The following MYLK variants were observed in gnomAD, a reference collection of about 807,000 sequenced individuals.
MYLK encodes the protein myosin light chain kinase, also known as myosin light chain kinase, smooth muscle.
In MYLK, 106 loss-of-function variants were observed where a neutral mutation model predicts 203.4. The ratio of observed to expected loss-of-function variants is 0.52; its 90% CI spans 0.45 to 0.61. The LOEUF is 0.61. Among genes scored for constraint, MYLK ranks in the 20% least tolerant of loss-of-function variants. The pLI, the probability that MYLK is intolerant of heterozygous loss-of-function variation, is 0.00. For missense variants in MYLK, 2,072 were observed against 2,442.3 expected (o/e 0.85, Z 3.20); for synonymous variants, 867 against 959.5 (o/e 0.90, Z 1.78).
intron 20 of MYLK, among the ~76,000 whole-genome samples, chr3:123,677,674 T>C (rs1190904779): frequency 1.3e-5 from 2 of 151,764 alleles, no homozygotes; most frequent in Non-Finnish European, 2.9e-5. Flanking sequence ...CAAAGAACAT[T>C]ATTAGAACAA....
At chr3:123,646,902 A>C in intron 27 of MYLK, 1 of 360,278 alleles carries the variant, frequency 2.8e-6, no homozygotes, top group Non-Finnish European at 5.1e-6. Flanking sequence ...GAAACCAAGG[A>C]GCCTAGGGAT....
intron 4 of MYLK, among the ~76,000 whole-genome samples, chr3:123,791,433 A>T (rs1322567916): frequency 6.6e-6 from 1 of 152,204 alleles, no homozygotes; most frequent in African/African-American, 2.4e-5. Context: ...CCCTGATGCA[A>T]AAGTCTCTGT....
At chr3:123,840,370 T>TTATATA (rs56361020) in intron 2 of MYLK, among the ~76,000 whole-genome samples, 1 of 148,628 alleles carries the variant, frequency 6.7e-6, no homozygotes, top group African/African-American at 2.5e-5. Context: ...CCTACAGACA[T>TTATATA]TATATATATA....
intron 4 of MYLK, among the ~76,000 whole-genome samples, chr3:123,766,462 G>C (rs1266024769): frequency 1.3e-5 from 2 of 152,276 alleles, no homozygotes; most frequent in Admixed American, 6.5e-5. Flanking sequence ...AGGTGTTGCT[G>C]TGAGTTGAGC....
At chr3:123,836,085 T>A (rs552698369) in intron 2 of MYLK, 32 of 152,374 alleles carry the variant, frequency 2.1e-4, no homozygotes, top group Admixed American at 2.0e-3. Flanking sequence ...GAACGTTTCC[T>A]TTGTATCTTT....
intron 11 of MYLK, among the ~76,000 whole-genome samples, chr3:123,730,930 G>A (rs1186704339): frequency 6.6e-6 from 1 of 152,158 alleles, no homozygotes; most frequent in East Asian, 1.9e-4. Flanking sequence ...TCTCAATAAA[G>A]CTGTCACACA....
intron 4 of MYLK, among the ~76,000 whole-genome samples, chr3:123,781,263 G>A (rs2064287364): frequency 6.6e-6 from 1 of 152,230 alleles, no homozygotes; most frequent in South Asian, 2.1e-4. Context: ...CCTCACAGTA[G>A]ATGAAGCCTG....
At chr3:123,702,546 G>A (rs1367277401) in intron 16 of MYLK, among the ~76,000 whole-genome samples, 2 of 152,226 alleles carry the variant, frequency 1.3e-5, no homozygotes, top group African/African-American at 2.4e-5. Context: ...GCCCCTGGAT[G>A]TGGCCGTCTC....
At chr3:123,809,538 C>A (rs1456951673) in intron 3 of MYLK, among the ~76,000 whole-genome samples, 10 of 151,992 alleles carry the variant, frequency 6.6e-5, no homozygotes, top group African/African-American at 2.4e-4. Context: ...AAAACAAAAA[C>A]AAACAAACAA....
At chr3:123,772,317 C>A (rs1446067609) in intron 4 of MYLK, among the ~76,000 whole-genome samples, 2 of 152,010 alleles carry the variant, frequency 1.3e-5, no homozygotes, top group African/African-American at 4.8e-5. Flanking sequence ...AAAACAAACT[C>A]TATACATAAG....
intron 3 of MYLK, among the ~76,000 whole-genome samples, chr3:123,826,372 A>G (rs1038261592): frequency 6.6e-6 from 1 of 152,240 alleles, no homozygotes. Flanking sequence ...CTGAGCAGCT[A>G]TAAGCCCATG....
At chr3:123,818,128 G>T (rs2065807965) in intron 3 of MYLK, among the ~76,000 whole-genome samples, 1 of 152,124 alleles carries the variant, frequency 6.6e-6, no homozygotes, top group Non-Finnish European at 1.5e-5. Context: ...AGGGGGCACT[G>T]TATTATTCAA....
intron 3 of MYLK, among the ~76,000 whole-genome samples, chr3:123,807,353 C>T (rs571560023): frequency 1.5e-4 from 23 of 151,788 alleles, no homozygotes; most frequent in African/African-American, 5.1e-4. Context: ...CTCTTGAACC[C>T]GGGAGGCAGA....
At chr3:123,813,504 G>GTC (rs376497859) in intron 3 of MYLK, among the ~76,000 whole-genome samples, 3 of 150,362 alleles carry the variant, frequency 2.0e-5, no homozygotes, top group Admixed American at 6.6e-5. Context: ...TTAATTCACT[G>GTC]TCTCTCTCTC....
intron 2 of MYLK, among the ~76,000 whole-genome samples, chr3:123,861,906 T>C (rs2031960198): frequency 6.6e-6 from 1 of 152,238 alleles, no homozygotes; most frequent in Non-Finnish European, 1.5e-5. Flanking sequence ...GTGGGCCATC[T>C]GGGCAACAAT....
rs1201958248 is a variant in MYLK, at chr3:123,700,144, A to T, written c.3324T>A (p.His1108Gln). The T allele has an allele frequency of 6.2e-7, 1 of 1,613,824 alleles. No individual in the cohort carries two copies. The highest frequency in any genetic ancestry group is 8.5e-7 in the Non-Finnish European group (1 of 1,179,964). Residue 1108 changes from histidine (H) to glutamine (Q), a missense_variant, in exon 18 of 34, where the codon CAT becomes CAA. This residue lies in a region of MYLK where 865 missense variants were observed against 1,016.0 expected (regional missense o/e 0.85). Transcript: ENST00000360304. ...PAFKQKLQDVHVAEGKKLLLQ... is the reference protein window; with the variant it reads ...PAFKQKLQDVQVAEGKKLLLQ... ...GCAGCAGCTTCTTGCCCTCTGCCAC[A>T]TGAACATCTTGCAGCTTCTGCTTGA...
intron 4 of MYLK, among the ~76,000 whole-genome samples, chr3:123,781,189 C>T (rs1576951404): frequency 1.3e-5 from 2 of 152,250 alleles, no homozygotes; most frequent in South Asian, 4.1e-4. Flanking sequence ...CAGGAGTCTG[C>T]AGTCAGAACA....
chr3:123,665,151 A>G (rs1056601615), intron 22 of MYLK, among the ~76,000 whole-genome samples: 1 of 152,234 alleles, frequency 6.6e-6, no homozygotes, highest in Admixed American at 6.5e-5. Context: ...CTGCTATAAC[A>G]ATTTTTAATT....
chr3:123,668,899 T>C (rs1181943757), intron 20 of MYLK, among the ~76,000 whole-genome samples: 2 of 152,222 alleles, frequency 1.3e-5, no homozygotes, highest in Non-Finnish European at 2.9e-5. Flanking sequence ...CTTTTTTGGT[T>C]CACTGCTGTA....
Sources: gnomAD v4.1 joint callset for allele counts (sites outside exome capture counted in the v4.1 genomes callset) on GRCh38, gnomAD v4.1.1 for gene constraint, gnomAD v4.1.1 regional missense constraint, MANE v1.5 for transcripts, NCBI Gene and HGNC (gene_info 2026-07-23, HGNC 2026-07-21) for gene names.